EPM2A: variants seen among roughly 807,000 people sequenced by gnomAD.
EPM2A encodes EPM2A glucan phosphatase, laforin.
Under a neutral mutation model 26.5 loss-of-function variants are expected in EPM2A, and 21 were observed. That is an observed-to-expected ratio of 0.79 (90% CI 0.56 to 1.14). The LOEUF (loss-of-function observed/expected upper bound fraction) is 1.14, where lower values mean the gene tolerates loss of function less well. EPM2A is among the 50% of genes most tolerant of loss of function. The pLI, the probability that EPM2A is intolerant of heterozygous loss-of-function variation, is 0.00. For synonymous variants in EPM2A, 217 were observed against 177.6 expected, an observed-to-expected ratio of 1.22 and a Z score of -1.76; for missense variants, 458 against 440.8, an observed-to-expected ratio of 1.04 and a Z score of -0.35.
intron 2 of EPM2A, among the ~76,000 whole-genome samples, chr6:145,596,134 T>C (rs1319142619): frequency 6.6e-6 from 1 of 152,244 alleles, no homozygotes; most frequent in Non-Finnish European, 1.5e-5. Flanking sequence ...TCAGTAATAC[T>C]TGTGATTAAT....
chr6:145,387,299 G>C (rs542032859), intron 4 of EPM2A, among the ~76,000 whole-genome samples: 2 of 152,240 alleles, frequency 1.3e-5, no homozygotes, highest in East Asian at 1.9e-4. Flanking sequence ...AAACATTAAT[G>C]ATGAGGGTTC....
At chr6:145,518,181 A>G (rs906801928) in intron 2 of EPM2A, among the ~76,000 whole-genome samples, 48 of 152,186 alleles carry the variant, frequency 3.2e-4, no homozygotes, top group African/African-American at 1.2e-3. Flanking sequence ...ATAATGAACC[A>G]TACATCATTT....
At chr6:145,466,796 T>C (rs1294696241) in intron 4 of EPM2A, among the ~76,000 whole-genome samples, 1 of 152,154 alleles carries the variant, frequency 6.6e-6, no homozygotes, top group East Asian at 1.9e-4. Context: ...ATATACACCA[T>C]GGAATACTAT....
chr6:145,735,048 G>T, intron 1 of EPM2A, 150 bp downstream of exon 1: 1 of 445,190 alleles, frequency 2.2e-6, no homozygotes, highest in Non-Finnish European at 3.7e-6. Flanking sequence ...GGTCAGCCCA[G>T]GTCGCCCGGG....
chr6:145,506,666 A>C (rs1678149197), intron 2 of EPM2A, among the ~76,000 whole-genome samples: 1 of 152,202 alleles, frequency 6.6e-6, no homozygotes, highest in South Asian at 2.1e-4. Flanking sequence ...AATACAAAGA[A>C]AATAAGTCAC....
chr6:145,519,422 C>A (rs1185749535), intron 2 of EPM2A, among the ~76,000 whole-genome samples: 1 of 152,142 alleles, frequency 6.6e-6, no homozygotes, highest in Non-Finnish European at 1.5e-5. Context: ...AAGAATAGAG[C>A]CGCTAATGTT....
chr6:145,556,226 G>GT (rs1780726834), intron 2 of EPM2A, among the ~76,000 whole-genome samples: 1 of 152,176 alleles, frequency 6.6e-6, no homozygotes, highest in Admixed American at 6.6e-5. Flanking sequence ...AACTGTGCCT[G>GT]TGCAGATCCC....
chr6:145,627,745 C>T (rs112286444), intron 3 of EPM2A, 52 bp from the exon 4 acceptor site: 10 of 1,597,198 alleles, frequency 6.3e-6, no homozygotes, highest in African/African-American at 2.7e-5. Context: ...CACCAGATAC[C>T]GCCGCTGAGG....
In EPM2A at chr6:145,735,457, G is replaced by C. The variant is rs2128650003; in HGVS notation, c.42C>G (p.Ala14=). 3 of 1,231,824 alleles carry C rather than the reference G, an allele frequency of 2.4e-6. No individual in the cohort carries two copies. The highest frequency in any genetic ancestry group is 1.6e-5 in the African/African-American group (1 of 63,354). 76.3% of individuals were successfully genotyped at this position (1,231,824 alleles called of 1,614,324 possible). Residue 14 remains alanine (A), a synonymous_variant, in exon 1 of 4, where the codon GCC becomes GCG. Transcript: ENST00000367519. ...RFGVVVPPAV[A]GARPELLVVG... Reference sequence around the variant, plus strand: ...CCACCAGCAGCTCCGGCCGGGCGCCGGCCACGGCGGGTGGCACCACCACCC... The same window carrying C: ...CCACCAGCAGCTCCGGCCGGGCGCCCGCCACGGCGGGTGGCACCACCACCC...
At chr6:145,384,572 A>T (rs953135930) in intron 4 of EPM2A, among the ~76,000 whole-genome samples, 1 of 147,564 alleles carries the variant, frequency 6.8e-6, no homozygotes, top group Non-Finnish European at 1.5e-5. Context: ...CCCCTCATTG[A>T]TCTGGCATTG....
downstream of EPM2A, among the ~76,000 whole-genome samples, chr6:145,499,406 C>G (rs116119818): frequency 6.6e-6 from 1 of 152,114 alleles, no homozygotes; most frequent in Non-Finnish European, 1.5e-5. Context: ...TGAAGGAATC[C>G]TCCTTGTACT....
chr6:145,389,121 C>T (rs746296683), intron 4 of EPM2A, among the ~76,000 whole-genome samples: 1 of 152,028 alleles, frequency 6.6e-6, no homozygotes, highest in Non-Finnish European at 1.5e-5. Flanking sequence ...CTCAATTGGG[C>T]CTACCTTCAC....
intron 2 of EPM2A, among the ~76,000 whole-genome samples, chr6:145,592,789 T>C (rs1781292607): frequency 6.6e-6 from 1 of 151,980 alleles, no homozygotes; most frequent in Admixed American, 6.6e-5. Context: ...AAAAAGCTTT[T>C]TTAAAGAAGC....
At position 145,652,108 on chromosome 6, in the gene EPM2A, T is replaced by C. The variant is rs146715504; in HGVS notation, c.477-16622A>G. 4.3e-3 allele frequency among the ~76,000 whole-genome samples: 662 copies of C among 152,332 alleles called. 5 individuals carry two copies. The highest frequency in any genetic ancestry group is 0.014 in the African/African-American group (573 of 41,588). ...CTTTTATGACCTATAAAAAAGCCTGTACAGCTATTACCTAGTTTTTCCATC... is the reference window on the plus strand; with the variant it reads ...CTTTTATGACCTATAAAAAAGCCTGCACAGCTATTACCTAGTTTTTCCATC... On this transcript the variant is annotated intron_variant, in intron 2 of 3. Transcript: ENST00000367519.
downstream of EPM2A, among the ~76,000 whole-genome samples, chr6:145,622,365 A>C (rs1204065670): frequency 3.3e-5 from 5 of 151,722 alleles, no homozygotes; most frequent in Non-Finnish European, 7.4e-5. Flanking sequence ...GGTTTCTTTC[A>C]CTCTCTCTAG....
At chr6:145,388,758 G>A (rs1778297623) in intron 4 of EPM2A, among the ~76,000 whole-genome samples, 1 of 152,146 alleles carries the variant, frequency 6.6e-6, no homozygotes, top group Non-Finnish European at 1.5e-5. Context: ...GTGAGAACAT[G>A]CAGTGTTTGG....
At chr6:145,612,001 T>C (rs1322008630) in intron 2 of EPM2A, among the ~76,000 whole-genome samples, 1 of 152,192 alleles carries the variant, frequency 6.6e-6, no homozygotes, top group African/African-American at 2.4e-5. Flanking sequence ...ATTTTACAGA[T>C]GTGAGACAAT....
chr6:145,590,150 C>A (rs6570695), intron 2 of EPM2A, among the ~76,000 whole-genome samples: 65,152 of 151,750 alleles, frequency 0.43, 14,539 homozygotes, highest in African/African-American at 0.52. Flanking sequence ...GTATAGACTA[C>A]CATGAGAATG....
In EPM2A at chr6:145,562,128, G is replaced by GA. The variant is rs71028361; in HGVS notation, c.341-59554dup. On this transcript the variant is annotated intron_variant, in intron 2 of 3. Transcript: ENST00000450221. ...CTAGCTTTCTTTTGATTACAAAAAG[G>GA]AAAAAAAAAAAAAAAGACAAAATAT... Among the ~76,000 whole-genome samples, 1,293 of 135,346 alleles carry GA rather than the reference G, an allele frequency of 9.6e-3. 10 individuals are homozygous for GA. Among genetic ancestry groups the GA allele is most frequent in the African/African-American group, 0.018 (680 of 37,732 alleles). 88.8% of individuals were successfully genotyped at this position (135,346 alleles called of 152,430 possible).
Sources: allele counts gnomAD v4.1 joint callset (sites outside exome capture counted in the v4.1 genomes callset), GRCh38; gene constraint gnomAD v4.1.1; transcripts MANE v1.5; gene names NCBI Gene and HGNC (gene_info 2026-07-23, HGNC 2026-07-21).